BCOR: variants seen among roughly 807,000 people sequenced by gnomAD.
The protein encoded by BCOR is BCL-6 corepressor.
A neutral mutation model predicts 86.7 loss-of-function variants in BCOR; 10 were observed. The observed-to-expected ratio is 0.12, with a 90% CI of 0.07 to 0.20. BCOR has a LOEUF of 0.20. Ranked by LOEUF, BCOR falls within the 10% of genes least tolerant of loss-of-function variation. The probability of loss-of-function intolerance (pLI) is 1.00; values close to 1 mark genes in which losing one functional copy is unlikely to be tolerated. For missense variants in BCOR, 1,259 were observed against 1,452.1 expected, an observed-to-expected ratio of 0.87 and a Z score of 2.16; for synonymous variants, 611 against 609.0, an observed-to-expected ratio of 1.00 and a Z score of -0.05.
chrX:40,142,923 G>A (rs142926740), intron 1 of BCOR, among the ~76,000 whole-genome samples: 2 of 111,535 alleles, frequency 1.8e-5, no homozygotes, highest in South Asian at 7.5e-4. Context: ...CTCAGCCTAC[G>A]TATATTTAGT....
chrX:40,057,319 T>C lies in BCOR; in HGVS notation c.4431A>G (p.Glu1477=). ...TGTTCTCTAAGCAGTACAGGACCAC[T>C]TCCTGTGGGGAGGGGAGGGAAGAAT... ...LQRAARLGYE[E]VVLYCLENKI... Residue 1477 remains glutamate (E), a splice_region_variant and synonymous_variant, in exon 11 of 15, where the codon GAA becomes GAG. Coordinates refer to ENST00000378444, the MANE Select transcript of BCOR (RefSeq NM_001123385.2). 1 of 1,208,609 alleles carries C rather than the reference T, an allele frequency of 8.3e-7. No homozygotes were observed. Among genetic ancestry groups the C allele is most frequent in the Non-Finnish European group, 1.1e-6 (1 of 892,866 alleles).
chrX:40,161,648 G>A (rs1412491924), intron 1 of BCOR, among the ~76,000 whole-genome samples: 3 of 107,046 alleles, frequency 2.8e-5, no homozygotes, highest in South Asian at 4.2e-4. Context: ...CGGGTAGCTG[G>A]GACTACAGGC....
rs367697501 is a variant in BCOR at position 40,059,266 on chromosome X, G to C, written c.4429-1945C>G. Among the ~76,000 whole-genome samples, 37 of 112,469 alleles carry C rather than the reference G, an allele frequency of 3.3e-4. No homozygotes were observed. The East Asian group carries it at 8.9e-3, about 27-fold the overall frequency. On this transcript the variant is annotated intron_variant, in intron 10 of 14. Transcript: ENST00000378444. ...CCAAATGTGTATGTCATATCCCACA[G>C]TGACCTGTGAGATCTCAGGAAGGAA...
chrX:40,075,077 T>C lies in BCOR; in HGVS notation c.269A>G (p.Tyr90Cys). The change falls in exon 4 of 15, where the codon TAT becomes TGT. Residue 90 changes from tyrosine to cysteine, a missense_variant. Coordinates refer to ENST00000378444, the MANE Select transcript of BCOR (RefSeq NM_001123385.2). ...EGLRVPGNIV[Y>C]SSLCGLGSEK... is the part of the protein sequence containing the mutation. ...TGAGCCCAGTCCACACAAGCTAGAATAGACGATGTTTCCCGGGACCCGCAG... is the reference window on the plus strand; with the variant it reads ...TGAGCCCAGTCCACACAAGCTAGAACAGACGATGTTTCCCGGGACCCGCAG... 8.3e-7 allele frequency: 1 copy of C among 1,208,003 alleles called. No homozygotes were observed. The highest frequency in any genetic ancestry group is 3.0e-5 in the East Asian group (1 of 33,730).
intron 14 of BCOR, among the ~76,000 whole-genome samples, chrX:40,053,383 A>T (rs919724241): frequency 1.8e-5 from 2 of 112,094 alleles, no homozygotes; most frequent in African/African-American, 6.5e-5. Flanking sequence ...TCACTGGCGA[A>T]TAGGGGCTCA....
intron 1 of BCOR, among the ~76,000 whole-genome samples, chrX:40,116,175 C>T (rs1238059295): frequency 1.8e-5 from 2 of 111,836 alleles, no homozygotes; most frequent in Non-Finnish European, 3.8e-5. Context: ...ACATTTTATA[C>T]ACATTAATAA....
At position 40,072,392 on chromosome X, in the gene BCOR, T is replaced by A. The variant is rs587778093; in HGVS notation, c.2954A>T (p.Tyr985Phe). ...CCGGCTGAGCTGACTGGAATCTGCA[T>A]ACAGTTCGGTAGTGACACATTTGAA... Reference protein sequence around the residue: ...DRFKCVTTELYADSSQLSREQ... With the variant: ...DRFKCVTTELFADSSQLSREQ... The change falls in exon 4 of 15, where the codon TAT (tyrosine) becomes TTT (phenylalanine). Residue 985 changes from tyrosine to phenylalanine, a missense_variant. Tyr to Phe is a conservative substitution (Grantham distance 22). Transcript: ENST00000378444. 1.1e-5 allele frequency: 13 copies of A among 1,208,648 alleles called. No homozygotes were observed. Among genetic ancestry groups the A allele is most frequent in the Middle Eastern group, 2.3e-4 (1 of 4,299 alleles).
intron 1 of BCOR, among the ~76,000 whole-genome samples, chrX:40,135,349 G>T (rs1234006034): frequency 9.0e-6 from 1 of 110,529 alleles, no homozygotes; most frequent in Non-Finnish European, 1.9e-5. Context: ...CCTGTAGGAA[G>T]AAAGGTCTCC....
chrX:40,062,946 T>C lies in BCOR; in HGVS notation c.3973A>G (p.Lys1325Glu). 8.3e-7 allele frequency: 1 copy of C among 1,201,881 alleles called. No individual in the cohort carries two copies. The highest frequency in any genetic ancestry group is 2.2e-5 in the Admixed American group (1 of 44,774). Residue 1325 changes from lysine (K) to glutamate (E), a missense_variant, in exon 9 of 15, where the codon AAA becomes GAA. By Grantham distance (56) the Lys-to-Glu change is moderately conservative. Around this residue, in one of 7 missense-constraint regions of BCOR, gnomAD observed 305 missense variants for 286.1 expected, o/e 1.07. Transcript: ENST00000378444. ...AGCACATCTGTCTTCTGGTTTTCTT[T>C]AATTTTCTGCTGTTTGGCAGGCGGC... ...SRPPAKQQKI[K>E]ENQKTDVLCA...
At chrX:40,155,573 C>A (rs1938272606) in intron 1 of BCOR, among the ~76,000 whole-genome samples, 1 of 109,340 alleles carries the variant, frequency 9.1e-6, no homozygotes, top group African/African-American at 3.3e-5. Context: ...CGGGAGCGGG[C>A]GGCCTTGGAC....
At chrX:40,170,342 TGTTTTG>T (rs1448401160) in intron 1 of BCOR, among the ~76,000 whole-genome samples, 45 of 109,246 alleles carry the variant, frequency 4.1e-4, no homozygotes, top group Admixed American at 1.1e-3. Flanking sequence ...CTTCCGGTTT[TGTTTTG>T]GTTTTGGTTT....
chrX:40,062,275 G>T lies in BCOR; in HGVS notation c.4292C>A (p.Ser1431Tyr), dbSNP rs369432845. ...RLQQLLPASQSTQLPCSSSPQ... is the reference protein window; with the variant it reads ...RLQQLLPASQYTQLPCSSSPQ... Reference sequence around the variant, plus strand: ...GGAACTTGAGCATGGCAGCTGTGTGGACTGGGAGGCTGGTAGCAGTTGCTG... The same window carrying T: ...GGAACTTGAGCATGGCAGCTGTGTGTACTGGGAGGCTGGTAGCAGTTGCTG... The change falls in exon 10 of 15, where the codon TCC (serine) becomes TAC (tyrosine). Residue 1431 changes from serine (S) to tyrosine (Y), a missense_variant. Ser to Tyr is a moderately radical substitution (Grantham distance 144). Around this residue, in one of 7 missense-constraint regions of BCOR, gnomAD observed 305 missense variants for 286.1 expected, o/e 1.07. Transcript: ENST00000378444. The T allele has an allele frequency of 2.2e-5, 27 of 1,209,005 alleles. No homozygotes were observed. The Admixed American group carries it at 2.8e-4, about 13-fold the overall frequency.
chrX:40,155,026 C>T (rs1027341424), intron 1 of BCOR, among the ~76,000 whole-genome samples: 2 of 110,438 alleles, frequency 1.8e-5, no homozygotes, highest in Non-Finnish European at 3.8e-5. Context: ...CGCCGCGGCC[C>T]GCAGTGCGCC....
intron 1 of BCOR, among the ~76,000 whole-genome samples, chrX:40,091,096 CT>C (rs1936590486): frequency 8.9e-6 from 1 of 112,224 alleles, no homozygotes; most frequent in Non-Finnish European, 1.9e-5. Context: ...TGCTCTGCCC[CT>C]GGCACCCTGA....
At chrX:40,063,465 G>C (rs1346972617) in intron 8 of BCOR, 143 bp downstream of exon 8, 4 of 528,917 alleles carry the variant, frequency 7.6e-6, no homozygotes, top group Non-Finnish European at 1.3e-5. Context: ...AGGACATCAA[G>C]AGAGAACTCC....
At position 40,073,577 on chromosome X, in the gene BCOR, G is replaced by C. The variant is rs1317528806; in HGVS notation, c.1769C>G (p.Thr590Ser). 2.5e-6 allele frequency: 3 copies of C among 1,211,149 alleles called. No individual in the cohort carries two copies. The African/African-American group carries it at 5.2e-5, about 21-fold the overall frequency. ...GTKTSRSSVE[T>S]TPSVIQHVGQ... ...CACGTGCTGAATAACGGATGGTGTG[G>C]TTTCTACAGAGCTCCTGCTGGTTTT... Residue 590 changes from threonine (T) to serine (S), a missense_variant, in exon 4 of 15, where the codon ACC becomes AGC. By Grantham distance (58) the Thr-to-Ser change is moderately conservative. Around this residue, in one of 7 missense-constraint regions of BCOR, gnomAD observed 534 missense variants for 594.8 expected, o/e 0.90. Coordinates refer to ENST00000378444, the MANE Select transcript of BCOR (RefSeq NM_001123385.2).
intron 10 of BCOR, among the ~76,000 whole-genome samples, chrX:40,057,819 G>T (rs1436202250): frequency 8.9e-6 from 1 of 112,244 alleles, no homozygotes; most frequent in Non-Finnish European, 1.9e-5. Flanking sequence ...AAGGCATAAT[G>T]AACAATTAAA....
upstream of BCOR, among the ~76,000 whole-genome samples, chrX:40,102,774 G>A (rs777985779): frequency 8.8e-6 from 1 of 113,433 alleles, no homozygotes; most frequent in South Asian, 3.6e-4. Context: ...CCAGCCCCTC[G>A]CCTGCAGCAG....
intron 2 of BCOR, 81 bp downstream of exon 2, chrX:40,077,763 C>T (rs972193687): frequency 1.1e-6 from 1 of 942,701 alleles, no homozygotes; most frequent in African/African-American, 1.9e-5. Flanking sequence ...CTTTTGGGCC[C>T]ACGGTGGCTG....
Sources: gnomAD v4.1 joint callset for allele counts (sites outside exome capture counted in the v4.1 genomes callset) on GRCh38, gnomAD v4.1.1 for gene constraint, gnomAD v4.1.1 regional missense constraint, MANE v1.5 for transcripts, NCBI Gene and HGNC (gene_info 2026-07-23, HGNC 2026-07-21) for gene names.